The following FBH1 variants were observed in gnomAD, a reference collection of about 807,000 sequenced individuals.
The protein encoded by FBH1 is F-box DNA helicase 1.
A neutral mutation model predicts 115.5 loss-of-function variants in FBH1; 43 were observed. The ratio of observed to expected loss-of-function variants is 0.37; its 90% CI spans 0.29 to 0.48. The LOEUF is 0.48. Among genes scored for constraint, FBH1 ranks in the 20% least tolerant of loss-of-function variants. The probability of loss-of-function intolerance (pLI) is 0.99; values close to 1 mark genes in which losing one functional copy is unlikely to be tolerated. For missense variants in FBH1, 1,001 were observed against 1,337.3 expected, an observed-to-expected ratio of 0.75 and a Z score of 3.92; for synonymous variants, 524 against 507.8, an observed-to-expected ratio of 1.03 and a Z score of -0.43.
chr10:5,927,604 G>C, intron 19 of FBH1, 63 bp downstream of exon 19: 1 of 1,340,868 alleles, frequency 7.5e-7, no homozygotes, highest in African/African-American at 1.5e-5. Context: ...TCTGCTTGAG[G>C]GGCTGACCTG....
In FBH1 at chr10:5,898,743, G is replaced by C. The variant is rs144562025; in HGVS notation, c.2-4277G>C. On this transcript the variant is annotated intron_variant, in intron 1 of 20. Transcript: ENST00000362091. ...CACCACTTCATACCGTCACCTTGCG[G>C]GTGAGGATTTCAGTGTGTGAATTTC... Among the ~76,000 whole-genome samples, 388 of 152,324 alleles carry C rather than the reference G, an allele frequency of 2.5e-3. 1 individual carries two copies. The highest frequency in any genetic ancestry group is 9.0e-3 in the African/African-American group (373 of 41,562).
Position 5,916,232 on chromosome 10 carries a change from A to C in FBH1, c.1566-2A>C. ...GCTGTTCATTTGGGATGGGTATTGC[A>C]GGTACCAGTCAAAGAAGAAGTTGAA... On this transcript the variant is annotated splice_acceptor_variant, in intron 9 of 20. Coordinates refer to ENST00000362091, the MANE Select transcript of FBH1 (RefSeq NM_178150.3). LOFTEE classifies it high-confidence loss of function. The C allele has an allele frequency of 6.2e-7, 1 of 1,613,674 alleles. No individual in the cohort carries two copies.
rs980466162 is a variant in FBH1 at position 5,895,074 on chromosome 10, A to G, written c.1+4728A>G. On this transcript the variant is annotated intron_variant, in intron 1 of 20. Transcript: ENST00000362091. This position sits in a 1 kb window ranked among gnomAD's most constrained non-coding sequence, Gnocchi z 5.0. ...TTCACAGGCTGCCATTGGACCTGTC[A>G]AGTGCCTGAGTCATGTGATAATGGG... 1.4e-5 allele frequency: 23 copies of G among 1,613,338 alleles called. No individual in the cohort carries two copies. The African/African-American group carries it at 2.9e-4, about 21-fold the overall frequency.
chr10:5,903,957 C>G (rs541771820), intron 2 of FBH1, among the ~76,000 whole-genome samples: 1 of 152,336 alleles, frequency 6.6e-6, no homozygotes, highest in South Asian at 2.1e-4. Flanking sequence ...AATGTCCCCA[C>G]TATGTACCAA....
intron 1 of FBH1, among the ~76,000 whole-genome samples, chr10:5,894,668 CAGA>C (rs1842909489): frequency 6.6e-6 from 1 of 152,216 alleles, no homozygotes; most frequent in Non-Finnish European, 1.5e-5. Flanking sequence ...GCCCACACTT[CAGA>C]AGAAGTGCTG....
In FBH1 at chr10:5,908,491, A is replaced by G. The variant is rs916518209; in HGVS notation, c.754-434A>G. ...ACCCAGTTCTCCTAGTTTCCAACAA[A>G]AATTTGTGTAACATTTCTGCCTGAT... On this transcript the variant is annotated intron_variant, in intron 3 of 20. Transcript: ENST00000362091. Among the ~76,000 whole-genome samples the G allele has an allele frequency of 2.8e-4, 42 of 152,336 alleles. 1 individual carries two copies. Among genetic ancestry groups the G allele is most frequent in the African/African-American group, 1.0e-3 (42 of 41,568 alleles).
rs531510836 is a variant in FBH1 at position 5,931,960 on chromosome 10, A to G, written c.2829+4419A>G. 1.9e-4 allele frequency among the ~76,000 whole-genome samples: 29 copies of G among 152,336 alleles called. 1 individual carries two copies. Among genetic ancestry groups the G allele is most frequent in the Admixed American group, 1.7e-3 (26 of 15,300 alleles). On this transcript the variant is annotated intron_variant, in intron 19 of 20. Transcript: ENST00000362091. This position sits in a 1 kb window ranked among gnomAD's most constrained non-coding sequence, Gnocchi z 4.3. ...GGAGTTAGAGATCAGCCTGGCCAAC[A>G]TGGCAAAACCCTGTCTCTACCAAAA...
In FBH1 at chr10:5,913,811, G is replaced by A. The variant is rs538536216; in HGVS notation, c.1276G>A (p.Val426Ile). The A allele has an allele frequency of 6.3e-7, 1 of 1,598,400 alleles. No individual in the cohort carries two copies. The highest frequency in any genetic ancestry group is 1.8e-5 in the Admixed American group (1 of 54,230). Residue 426 changes from valine (V) to isoleucine (I), a missense_variant, in exon 7 of 21, where the codon GTT becomes ATT. By Grantham distance (29) the Val-to-Ile change is conservative. This residue lies in a region of FBH1 where 521 missense variants were observed against 811.0 expected (regional missense o/e 0.64). Coordinates refer to ENST00000362091, the MANE Select transcript of FBH1 (RefSeq NM_178150.3). The surrounding 1 kb of genome is among the most constrained non-coding windows in gnomAD (Gnocchi z 4.4). ...GAATTCCTGCACTCAGGCCACAAAA[G>A]TTAAAGAGGAGCCATCTGTCTGGCC... ...QENSCTQATK[V>I]KEEPSVWPGK...
At position 5,909,740 on chromosome 10, in the gene FBH1, G is replaced by A. The variant is rs767444003; in HGVS notation, c.1020+446G>A. ...TAACCCTCAGTCTCCTTGAATCTCA[G>A]CCCTGTTGCTCCTTTTCCAGTTCAG... On this transcript the variant is annotated intron_variant, in intron 5 of 20. Transcript: ENST00000362091. The surrounding 1 kb of genome is among the most constrained non-coding windows in gnomAD (Gnocchi z 4.4). Among the ~76,000 whole-genome samples, 23 of 152,218 alleles carry A rather than the reference G, an allele frequency of 1.5e-4. No homozygotes were observed. The highest frequency in any genetic ancestry group is 1.9e-4 in the African/African-American group (8 of 41,450).
rs781406766 is a variant in FBH1 at position 5,937,131 on chromosome 10, G to A, written c.2983G>A (p.Gly995Arg). The part of the protein sequence containing the change: ...ITYSNRKENK[G>R]GYLCHSCAEQ... ...ACAGAGCAACAGGAAGGAAAACAAG[G>A]GGGGCTACCTCTGCCACTCCTGTGC... is the stretch of plus-strand genomic sequence containing the variant. Residue 995 changes from glycine to arginine, a missense_variant, in exon 21 of 21, where the codon GGG becomes AGG. Coordinates refer to ENST00000362091, the MANE Select transcript of FBH1 (RefSeq NM_178150.3). 4.4e-6 allele frequency: 7 copies of A among 1,608,098 alleles called. No homozygotes were observed. The highest frequency in any genetic ancestry group is 5.9e-6 in the Non-Finnish European group (7 of 1,176,772).
At chr10:5,908,175 C>T (rs991664425) in intron 3 of FBH1, among the ~76,000 whole-genome samples, 2 of 151,882 alleles carry the variant, frequency 1.3e-5, no homozygotes, top group East Asian at 1.9e-4. Flanking sequence ...GGGTTGTTTC[C>T]TATATTTAGG....
chr10:5,921,565 T>C lies in FBH1; in HGVS notation c.2318T>C (p.Ile773Thr). The change falls in exon 15 of 21, where the codon ATT (isoleucine) becomes ACT (threonine). Residue 773 changes from isoleucine to threonine, a missense_variant. Ile to Thr is a moderately conservative substitution (Grantham distance 89). This residue lies in a region of FBH1 where 521 missense variants were observed against 811.0 expected (regional missense o/e 0.64). Transcript: ENST00000362091. This position sits in a 1 kb window ranked among gnomAD's most constrained non-coding sequence, Gnocchi z 6.4. Reference sequence around the variant, plus strand: ...GAATTCCCTTCAAGGATACATTTGATTGGGGTAAGAGTACATTTCTGTTGA... The same window carrying C: ...GAATTCCCTTCAAGGATACATTTGACTGGGGTAAGAGTACATTTCTGTTGA... ...EGEFPSRIHLIGGIKSFGLDR... is the reference protein window; with the variant it reads ...EGEFPSRIHLTGGIKSFGLDR... 1.9e-6 allele frequency: 3 copies of C among 1,594,490 alleles called. No individual in the cohort carries two copies. Among genetic ancestry groups the C allele is most frequent in the African/African-American group, 1.4e-5 (1 of 73,506 alleles).
chr10:5,910,172 C>T lies in FBH1; in HGVS notation c.1021-766C>T, dbSNP rs558468563. 1.3e-3 allele frequency among the ~76,000 whole-genome samples: 199 copies of T among 152,084 alleles called. 1 individual carries two copies. The highest frequency in any genetic ancestry group is 4.4e-3 in the African/African-American group (184 of 41,474). On this transcript the variant is annotated intron_variant, in intron 5 of 20. Transcript: ENST00000362091. The surrounding 1 kb of genome is among the most constrained non-coding windows in gnomAD (Gnocchi z 4.8). ...TGGCATGTGCCTGTAGTACTGGCTA[C>T]TCTGGAGGCTGAGACAAGCAAATTG... is the stretch of plus-strand genomic sequence containing the variant.
In FBH1 at chr10:5,910,306, G is replaced by A. The variant is rs1322003680; in HGVS notation, c.1021-632G>A. On this transcript the variant is annotated intron_variant, in intron 5 of 20. Coordinates refer to ENST00000362091, the MANE Select transcript of FBH1 (RefSeq NM_178150.3). The surrounding 1 kb of genome is among the most constrained non-coding windows in gnomAD (Gnocchi z 4.8). ...CAAAAAAAAAAAAAGATGAAGATCT[G>A]TGTCCACTATTGACTGTTTCTGTGT... Among the ~76,000 whole-genome samples, 2 of 151,922 alleles carry A rather than the reference G, an allele frequency of 1.3e-5. No individual in the cohort carries two copies. Among genetic ancestry groups the A allele is most frequent in the Non-Finnish European group, 2.9e-5 (2 of 67,972 alleles).
Position 5,915,253 on chromosome 10 carries a change from G to A in FBH1, c.1397-150G>A. 1 of 752,266 alleles carries A rather than the reference G, an allele frequency of 1.3e-6. No homozygotes were observed. Among genetic ancestry groups the A allele is most frequent in the Non-Finnish European group, 2.1e-6 (1 of 478,952 alleles). 46.6% of individuals were successfully genotyped at this position (752,266 alleles called of 1,614,324 possible). A position where few individuals can be genotyped will look rare whatever the true frequency, so the allele number is the denominator to read the frequency against. ...CTGGCTTTGAATCTGCTGCTCTTTT[G>A]GTGGCACTACTTTTACCAGCACTGA... is the stretch of plus-strand genomic sequence containing the variant. On this transcript the variant is annotated intron_variant, in intron 8 of 20. Coordinates refer to ENST00000362091, the MANE Select transcript of FBH1 (RefSeq NM_178150.3). This position sits in a 1 kb window ranked among gnomAD's most constrained non-coding sequence, Gnocchi z 5.2.
rs140646342 is a variant in FBH1 at position 5,926,826 on chromosome 10, C to T, written c.2723-609C>T. ...AGCAGCTTTTTGCACGGCCTCGGGT[C>T]TGCTGTTCTTTGTTGAGTTCCTGCC... On this transcript the variant is annotated intron_variant, in intron 18 of 20. Transcript: ENST00000362091. Among the ~76,000 whole-genome samples the T allele has an allele frequency of 4.1e-3, 623 of 152,362 alleles. 2 individuals carry two copies. Among genetic ancestry groups the T allele is most frequent in the African/African-American group, 0.013 (538 of 41,578 alleles).
rs201951691 is a variant in FBH1 at position 5,909,282 on chromosome 10, C to T, written c.1008C>T (p.Tyr336=). Residue 336 remains tyrosine (Y), a synonymous_variant, in exon 5 of 21, where the codon TAC becomes TAT. Coordinates refer to ENST00000362091, the MANE Select transcript of FBH1 (RefSeq NM_178150.3). This position sits in a 1 kb window ranked among gnomAD's most constrained non-coding sequence, Gnocchi z 4.4. ...ACVRQHLPDL[Y]AAAGGVNIWA... is the part of the protein sequence containing the mutation. ...TGCGGCAACACCTCCCCGACCTCTA[C>T]GCTGCTGCCGGGGTAGGTCTGGAGG... is the stretch of plus-strand genomic sequence containing the variant. 42 of 1,610,166 alleles carry T rather than the reference C, an allele frequency of 2.6e-5. No homozygotes were observed. The highest frequency in any genetic ancestry group is 2.5e-4 in the East Asian group (11 of 44,882).
chr10:5,922,610 C>CCTGG (rs74992466), intron 15 of FBH1, among the ~76,000 whole-genome samples: 19,682 of 152,160 alleles, frequency 0.13, 1,338 homozygotes, highest in East Asian at 0.15. Context: ...TGATCACACA[C>CCTGG]CTGGTTGTGG....
rs200352408 is a variant in FBH1 at position 5,917,506 on chromosome 10, C to T, written c.1875C>T (p.Asp625=). ...CTEEAHQMTH[D]GYLKLWQLSK... is the part of the protein sequence containing the mutation. ...AAGAGGCGCACCAGATGACTCATGA[C>T]GGTAGGCGGCTGCCGAATGGCGGGG... The change falls in exon 11 of 21, where the codon GAC becomes GAT. Residue 625 remains aspartate, a splice_region_variant and synonymous_variant. Transcript: ENST00000362091. This position sits in a 1 kb window ranked among gnomAD's most constrained non-coding sequence, Gnocchi z 5.6. 149 of 1,614,128 alleles carry T rather than the reference C, an allele frequency of 9.2e-5. No individual in the cohort carries two copies. In the East Asian group the frequency reaches 2.0e-3, roughly 21 times the overall value.
Sources: allele counts gnomAD v4.1 joint callset (sites outside exome capture counted in the v4.1 genomes callset), GRCh38; gene constraint gnomAD v4.1.1; regional missense constraint gnomAD v4.1.1; non-coding constraint Gnocchi (gnomAD v3.1); transcripts MANE v1.5; gene names NCBI Gene and HGNC (gene_info 2026-07-23, HGNC 2026-07-21).